FMNL2: variants seen among roughly 807,000 people sequenced by gnomAD.
The protein encoded by FMNL2 is formin-like protein 2.
FMNL2 carries 51 observed loss-of-function variants against 130.2 expected under a neutral mutation model. The observed-to-expected ratio is 0.39, with a 90% CI of 0.31 to 0.49. FMNL2 has a LOEUF of 0.49. Among genes scored for constraint, FMNL2 ranks in the 20% least tolerant of loss-of-function variants. The probability of loss-of-function intolerance (pLI) is 0.85; values close to 1 mark genes in which losing one functional copy is unlikely to be tolerated. For missense variants in FMNL2, 977 were observed against 1,316.2 expected (o/e 0.74, Z 3.99); for synonymous variants, 465 against 467.1 (o/e 1.00, Z 0.06).
At position 152,512,866 on chromosome 2, in the gene FMNL2, A is replaced by T. The variant is rs1214319609; in HGVS notation, c.118-9077A>T. On this transcript the variant is annotated intron_variant, in intron 1 of 25. Coordinates refer to ENST00000288670, the MANE Select transcript of FMNL2 (RefSeq NM_052905.4). The stretch of plus-strand genomic sequence containing the variant: ...CTAAGAAAACTATAGTCAGGAAAAG[A>T]TGGAGGTGCATTAAAGTAGCAAATT... Among the ~76,000 whole-genome samples the T allele has an allele frequency of 2.6e-5, 4 of 152,198 alleles. No individual in the cohort carries two copies. The South Asian group carries it at 6.2e-4, about 24-fold the overall frequency.
intron 23 of FMNL2, among the ~76,000 whole-genome samples, chr2:152,638,987 T>C (rs945299204): frequency 1.3e-5 from 2 of 152,184 alleles, no homozygotes; most frequent in African/African-American, 4.8e-5. Context: ...CTGCCCTTGG[T>C]GGTCTGGGCT....
chr2:152,474,759 G>A (rs534457368), intron 1 of FMNL2, among the ~76,000 whole-genome samples: 1 of 152,210 alleles, frequency 6.6e-6, no homozygotes, highest in South Asian at 2.1e-4. Flanking sequence ...GTGCTTAGTT[G>A]CCAATGATTG....
chr2:152,443,857 G>GA (rs1014986949), intron 1 of FMNL2, among the ~76,000 whole-genome samples: 5 of 151,308 alleles, frequency 3.3e-5, no homozygotes, highest in Non-Finnish European at 7.4e-5. Context: ...AAGAAAAAAA[G>GA]AAAAAAAAGG....
chr2:152,608,005 C>T (rs952791382), intron 10 of FMNL2, among the ~76,000 whole-genome samples: 5 of 152,158 alleles, frequency 3.3e-5, no homozygotes, highest in Non-Finnish European at 7.3e-5. Context: ...GCAGTCCTGT[C>T]ATTCTCGGGT....
intron 1 of FMNL2, among the ~76,000 whole-genome samples, chr2:152,426,972 G>T (rs1055996799): frequency 6.6e-6 from 1 of 152,134 alleles, no homozygotes; most frequent in Non-Finnish European, 1.5e-5. Context: ...TGCCATGCCC[G>T]TTGGTCTCTA....
intron 9 of FMNL2, among the ~76,000 whole-genome samples, chr2:152,601,828 C>T (rs1011748468): frequency 6.6e-6 from 1 of 151,910 alleles, no homozygotes; most frequent in African/African-American, 2.4e-5. Context: ...CGCCACCATG[C>T]CCAATTAATT....
At chr2:152,583,252 C>T (rs924130390) in intron 9 of FMNL2, among the ~76,000 whole-genome samples, 3 of 152,204 alleles carry the variant, frequency 2.0e-5, no homozygotes, top group African/African-American at 7.2e-5. Context: ...TCTTCAGGTA[C>T]TGTCCTTGGC....
intron 1 of FMNL2, among the ~76,000 whole-genome samples, chr2:152,456,078 G>T (rs527640949): frequency 3.3e-5 from 5 of 152,188 alleles, no homozygotes; most frequent in African/African-American, 1.2e-4. Context: ...CTTGACTAAT[G>T]CATTTGAATA....
intron 1 of FMNL2, among the ~76,000 whole-genome samples, chr2:152,430,327 G>A (rs752455443): frequency 1.8e-4 from 28 of 152,128 alleles, no homozygotes; most frequent in African/African-American, 5.8e-4. Flanking sequence ...GGTTGCCAAC[G>A]TGCCCTTGTG....
chr2:152,435,586 A>G (rs1687711035), intron 1 of FMNL2, among the ~76,000 whole-genome samples: 1 of 137,666 alleles, frequency 7.3e-6, no homozygotes, highest in Non-Finnish European at 1.5e-5. Context: ...TAAATGGCTG[A>G]AAAAAAAAAA....
intron 9 of FMNL2, among the ~76,000 whole-genome samples, chr2:152,594,439 A>T (rs927651602): frequency 2.0e-5 from 3 of 152,246 alleles, no homozygotes; most frequent in African/African-American, 7.2e-5. Context: ...TGCAGACAGT[A>T]TTGTGACTTC....
At chr2:152,528,257 G>C (rs1693500446) in intron 2 of FMNL2, among the ~76,000 whole-genome samples, 1 of 152,154 alleles carries the variant, frequency 6.6e-6, no homozygotes, top group Non-Finnish European at 1.5e-5. Flanking sequence ...TGCACCAAAT[G>C]ATAGGGTAAC....
chr2:152,621,157 T>C (rs185131291), intron 15 of FMNL2: 1 of 984,654 alleles, frequency 1.0e-6, no homozygotes, highest in African/African-American at 1.7e-5. Flanking sequence ...TAGGCACTCT[T>C]GGTAGCCCCC....
At chr2:152,472,056 C>T (rs957886154) in intron 1 of FMNL2, among the ~76,000 whole-genome samples, 1 of 152,074 alleles carries the variant, frequency 6.6e-6, no homozygotes, top group Non-Finnish European at 1.5e-5. Context: ...CTTTCAAATG[C>T]AAAATGATGG....
chr2:152,387,998 T>G (rs1684880396), intron 1 of FMNL2, among the ~76,000 whole-genome samples: 1 of 152,110 alleles, frequency 6.6e-6, no homozygotes, highest in Non-Finnish European at 1.5e-5. Flanking sequence ...GTTGAAAGGC[T>G]TCATTGTCCT....
At chr2:152,366,247 G>A (rs977198594) in intron 1 of FMNL2, among the ~76,000 whole-genome samples, 7 of 140,542 alleles carry the variant, frequency 5.0e-5, no homozygotes, top group Admixed American at 4.6e-4. Context: ...ATGAGAACAC[G>A]TGGACACAGG....
chr2:152,530,729 G>C (rs1181180226), intron 2 of FMNL2, among the ~76,000 whole-genome samples: 1 of 152,150 alleles, frequency 6.6e-6, no homozygotes, highest in African/African-American at 2.4e-5. Context: ...CAGTGTTCTT[G>C]ATGAACTTTC....
chr2:152,410,049 T>A (rs1050595919), intron 1 of FMNL2, among the ~76,000 whole-genome samples: 1 of 152,200 alleles, frequency 6.6e-6, no homozygotes, highest in Non-Finnish European at 1.5e-5. Context: ...GTGGCAGGAA[T>A]GAACAATACA....
At chr2:152,433,996 A>G (rs1483951248) in intron 1 of FMNL2, among the ~76,000 whole-genome samples, 1 of 152,228 alleles carries the variant, frequency 6.6e-6, no homozygotes, top group Non-Finnish European at 1.5e-5. Flanking sequence ...TATTAATGTC[A>G]TGCAAGGAGA....
Sources: gnomAD v4.1 joint callset for allele counts (sites outside exome capture counted in the v4.1 genomes callset) on GRCh38, gnomAD v4.1.1 for gene constraint, MANE v1.5 for transcripts, NCBI Gene and HGNC (gene_info 2026-07-23, HGNC 2026-07-21) for gene names.